GRIK2: variants seen among roughly 807,000 people sequenced by gnomAD.
GRIK2 encodes glutamate ionotropic receptor kainate type subunit 2.
In GRIK2, 32 loss-of-function variants were observed where a neutral mutation model predicts 100.3. The ratio of observed to expected loss-of-function variants is 0.32; its 90% CI spans 0.24 to 0.43. The LOEUF (loss-of-function observed/expected upper bound fraction) is 0.43. Among genes scored for constraint, GRIK2 ranks in the 20% least tolerant of loss-of-function variants. The pLI is 1.00. For missense variants in GRIK2, 843 were observed against 1,114.9 expected (o/e 0.76, Z 3.47); for synonymous variants, 417 against 389.4 (o/e 1.07, Z -0.83).
At chr6:101,974,446 T>C (rs557678792) in intron 14 of GRIK2, among the ~76,000 whole-genome samples, 34 of 152,112 alleles carry the variant, frequency 2.2e-4, no homozygotes, top group African/African-American at 7.9e-4. Flanking sequence ...GAAACTGCAT[T>C]AGTCAAAGTT....
chr6:101,498,625 T>C (rs1330912114), intron 2 of GRIK2, among the ~76,000 whole-genome samples: 1 of 151,494 alleles, frequency 6.6e-6, no homozygotes, highest in Non-Finnish European at 1.5e-5. Context: ...CCAGTGATGA[T>C]GAGCATTTTT....
intron 7 of GRIK2, among the ~76,000 whole-genome samples, chr6:101,702,239 TAAAAG>T (rs1457649998): frequency 1.3e-5 from 2 of 152,002 alleles, no homozygotes; most frequent in Admixed American, 6.6e-5. Flanking sequence ...TTGTTTCACT[TAAAAG>T]AAACAAGTTG....
intron 4 of GRIK2, among the ~76,000 whole-genome samples, chr6:101,646,757 A>G (rs1239927738): frequency 6.6e-6 from 1 of 151,976 alleles, no homozygotes; most frequent in Non-Finnish European, 1.5e-5. Context: ...TAGAGAAATT[A>G]AAACTGCCAC....
At chr6:101,456,276 T>C (rs1047121747) in intron 2 of GRIK2, among the ~76,000 whole-genome samples, 84 of 152,144 alleles carry the variant, frequency 5.5e-4, no homozygotes, top group African/African-American at 2.0e-3. Flanking sequence ...AGAAATTAGG[T>C]CTGAAATGCT....
At chr6:101,425,189 G>A (rs1776638258) in intron 2 of GRIK2, among the ~76,000 whole-genome samples, 1 of 152,286 alleles carries the variant, frequency 6.6e-6, no homozygotes, top group African/African-American at 2.4e-5. Flanking sequence ...CCAGTAATGG[G>A]ATGGCTGGGT....
At chr6:101,483,687 T>G (rs1404466007) in intron 2 of GRIK2, among the ~76,000 whole-genome samples, 1 of 152,194 alleles carries the variant, frequency 6.6e-6, no homozygotes, top group Admixed American at 6.5e-5. Flanking sequence ...CAATTCTCCC[T>G]GCCTCAGCCT....
intron 12 of GRIK2, among the ~76,000 whole-genome samples, chr6:101,895,670 A>G (rs754322125): frequency 3.3e-5 from 5 of 151,766 alleles, no homozygotes; most frequent in Non-Finnish European, 5.9e-5. Flanking sequence ...TGAAATGCCA[A>G]TTTTGTTGTT....
chr6:101,977,085 T>G (rs1016468286), intron 14 of GRIK2, among the ~76,000 whole-genome samples: 1 of 151,820 alleles, frequency 6.6e-6, no homozygotes, highest in African/African-American at 2.4e-5. Flanking sequence ...ACCAGGCAAG[T>G]AGGCAGTGAC....
Position 101,777,384 on chromosome 6 carries a change from C to T in GRIK2, c.952-22264C>T, listed in dbSNP as rs533206997. Among the ~76,000 whole-genome samples the T allele has an allele frequency of 5.9e-5, 9 of 152,284 alleles. No individual in the cohort carries two copies. In the East Asian group the frequency reaches 1.4e-3, roughly 23 times the overall value. ...TGGGCGATTGTCTGTCCCATTTAGG[C>T]TTGTGCTGACTGTGCAAGGGAGATC... is the stretch of plus-strand genomic sequence containing the variant. On this transcript the variant is annotated intron_variant, in intron 7 of 16. Coordinates refer to ENST00000369134, the MANE Select transcript of GRIK2 (RefSeq NM_021956.5).
chr6:101,994,652 A>G (rs989082109), intron 14 of GRIK2, among the ~76,000 whole-genome samples: 6 of 151,820 alleles, frequency 4.0e-5, no homozygotes, highest in African/African-American at 1.4e-4. Flanking sequence ...CTCCCCTAGC[A>G]AATGATGAAC....
chr6:101,616,145 T>C (rs911193653), intron 2 of GRIK2, among the ~76,000 whole-genome samples: 3 of 151,798 alleles, frequency 2.0e-5, no homozygotes, highest in Admixed American at 6.6e-5. Context: ...TCTCTTCCTA[T>C]TGGTTCTTTC....
chr6:101,821,821 TATG>T (rs1397091404), intron 10 of GRIK2, among the ~76,000 whole-genome samples: 4 of 152,104 alleles, frequency 2.6e-5, no homozygotes, highest in African/African-American at 9.7e-5. Flanking sequence ...TGATTGATGT[TATG>T]ATTATTTTGC....
At chr6:101,676,881 T>G in intron 5 of GRIK2, 77 bp downstream of exon 5, 1 of 795,618 alleles carries the variant, frequency 1.3e-6, no homozygotes, top group Non-Finnish European at 2.0e-6. Context: ...TAAATCAAAA[T>G]ATTATTGTTA....
At chr6:101,849,719 AT>A (rs1172004762) in intron 10 of GRIK2, among the ~76,000 whole-genome samples, 2 of 151,268 alleles carry the variant, frequency 1.3e-5, no homozygotes, top group Non-Finnish European at 2.9e-5. Context: ...TTTTGTTTCA[AT>A]TGCCGTAATA....
rs192487326 is a variant in GRIK2, at chr6:101,955,394, G to A, written c.2085+26762G>A. On this transcript the variant is annotated intron_variant, in intron 14 of 16. Coordinates refer to ENST00000369134, the MANE Select transcript of GRIK2 (RefSeq NM_021956.5). The stretch of plus-strand genomic sequence containing the variant: ...AGCCTGGGCACAGTGGCTCATGTCT[G>A]TAATCCTAACACTTTGGGAGGCCAA... 3.2e-4 allele frequency among the ~76,000 whole-genome samples: 49 copies of A among 152,282 alleles called. No homozygotes were observed. In the East Asian group the frequency reaches 7.7e-3, roughly 24 times the overall value.
At chr6:101,747,534 T>C (rs1187126432) in intron 7 of GRIK2, among the ~76,000 whole-genome samples, 1 of 152,218 alleles carries the variant, frequency 6.6e-6, no homozygotes, top group Admixed American at 6.5e-5. Context: ...TCATCCTAAG[T>C]AATTAATATC....
At position 102,027,723 on chromosome 6, in the gene GRIK2, ACAGT is replaced by A. The variant is rs755960921; in HGVS notation, c.2086-7614_2086-7611del. ...AATGTTATTTTCTTATCACTTTTAG[ACAGT>A]CAGGTTCATAAAAGCAAGTTCAATG... On this transcript the variant is annotated intron_variant, in intron 14 of 16. Coordinates refer to ENST00000369134, the MANE Select transcript of GRIK2 (RefSeq NM_021956.5). 5.7e-3 allele frequency among the ~76,000 whole-genome samples: 855 copies of A among 151,224 alleles called. 7 individuals carry two copies. The highest frequency in any genetic ancestry group is 0.02 in the African/African-American group (814 of 41,410).
intron 16 of GRIK2, 37 bp downstream of exon 16, chr6:102,055,617 T>C (rs762421968): frequency 6.7e-7 from 1 of 1,501,276 alleles, no homozygotes; most frequent in Non-Finnish European, 9.2e-7. Flanking sequence ...TTTAAAACAA[T>C]TTTTGTTGTT....
chr6:102,059,638 G>T lies in GRIK2; in HGVS notation c.2562+4058G>T, dbSNP rs181619986. Among the ~76,000 whole-genome samples the T allele has an allele frequency of 1.5e-4, 22 of 150,962 alleles. No homozygotes were observed. In the Admixed American group the frequency reaches 1.5e-3, roughly 10 times the overall value. On this transcript the variant is annotated intron_variant, in intron 16 of 16. Coordinates refer to ENST00000369134, the MANE Select transcript of GRIK2 (RefSeq NM_021956.5). ...TATAATATGTTGGCTTTGTAAGCAA[G>T]AATTATAAGATATAATAATTTTAAT...
Sources: allele counts gnomAD v4.1 joint callset (sites outside exome capture counted in the v4.1 genomes callset), GRCh38; gene constraint gnomAD v4.1.1; transcripts MANE v1.5; gene names NCBI Gene and HGNC (gene_info 2026-07-23, HGNC 2026-07-21).